The following OPCML variants were observed in gnomAD, a reference collection of about 807,000 sequenced individuals.
The protein encoded by OPCML is opioid-binding protein/cell adhesion molecule.
Under a neutral mutation model 37.8 loss-of-function variants are expected in OPCML, and 13 were observed. The ratio of observed to expected loss-of-function variants is 0.34; its 90% CI spans 0.22 to 0.55. The LOEUF (loss-of-function observed/expected upper bound fraction) is 0.55. OPCML is among the 20% of genes least tolerant of loss of function. The pLI is 0.91. For synonymous variants in OPCML, 176 were observed against 168.8 expected, an observed-to-expected ratio of 1.04 and a Z score of -0.33; for missense variants, 341 against 435.6, an observed-to-expected ratio of 0.78 and a Z score of 1.93.
chr11:132,813,192 C>G (rs1354186687), intron 2 of OPCML, among the ~76,000 whole-genome samples: 2 of 151,916 alleles, frequency 1.3e-5, no homozygotes, highest in Non-Finnish European at 2.9e-5. Flanking sequence ...TCAGGATATC[C>G]TGGTTCAGAC....
chr11:133,030,423 C>A (rs1406819833), intron 1 of OPCML, among the ~76,000 whole-genome samples: 2 of 152,122 alleles, frequency 1.3e-5, no homozygotes, highest in African/African-American at 4.8e-5. Context: ...TCTGTCCCTG[C>A]CACTCCTTGT....
At chr11:132,902,118 G>A (rs1944085136) in intron 2 of OPCML, among the ~76,000 whole-genome samples, 1 of 152,192 alleles carries the variant, frequency 6.6e-6, no homozygotes, top group Admixed American at 6.5e-5. Context: ...CCAGATCAGA[G>A]GAAATGGTCA....
chr11:132,447,776 C>T (rs2096059254), intron 4 of OPCML, among the ~76,000 whole-genome samples: 1 of 152,266 alleles, frequency 6.6e-6, no homozygotes. Flanking sequence ...GCCCAACACT[C>T]AACCTTCTTA....
chr11:133,475,842 C>T (rs1488158272), intron 1 of OPCML, among the ~76,000 whole-genome samples: 6 of 152,102 alleles, frequency 3.9e-5, no homozygotes, highest in African/African-American at 7.3e-5. Flanking sequence ...ATCATTCCTA[C>T]GGGATGAAAA....
At chr11:133,010,377 C>T (rs1454723650) in intron 1 of OPCML, among the ~76,000 whole-genome samples, 2 of 152,310 alleles carry the variant, frequency 1.3e-5, no homozygotes, top group East Asian at 1.9e-4. Flanking sequence ...AATGAATGTG[C>T]AAATCCTAAA....
At chr11:132,694,279 A>T (rs895668572) in intron 2 of OPCML, among the ~76,000 whole-genome samples, 3 of 134,380 alleles carry the variant, frequency 2.2e-5, no homozygotes, top group African/African-American at 5.6e-5. Flanking sequence ...GCTCACTGCA[A>T]TCTCCGCCTC....
chr11:132,507,729 A>C (rs1305819657), intron 4 of OPCML, among the ~76,000 whole-genome samples: 1 of 151,918 alleles, frequency 6.6e-6, no homozygotes, highest in East Asian at 1.9e-4. Flanking sequence ...GTTCAAATAG[A>C]GGATCTATCA....
intron 1 of OPCML, among the ~76,000 whole-genome samples, chr11:133,112,285 CAAAA>C (rs370146450): frequency 6.1e-5 from 3 of 49,130 alleles, no homozygotes; most frequent in African/African-American, 6.1e-5. Context: ...GACTCTTGGC[CAAAA>C]AAAAAAAAAA....
intron 1 of OPCML, chr11:133,024,404 A>T: frequency 2.0e-6 from 2 of 985,250 alleles, no homozygotes; most frequent in Non-Finnish European, 2.4e-6. Context: ...CTCTGGAGAG[A>T]TTTAGACATG....
chr11:133,160,681 T>G (rs1288449665), intron 1 of OPCML, among the ~76,000 whole-genome samples: 1 of 152,234 alleles, frequency 6.6e-6, no homozygotes, highest in Non-Finnish European at 1.5e-5. Context: ...GCTGCTCTGG[T>G]GCAGCATCTC....
intron 3 of OPCML, among the ~76,000 whole-genome samples, chr11:132,651,763 G>A (rs765150360): frequency 6.6e-6 from 1 of 152,202 alleles, no homozygotes; most frequent in South Asian, 2.1e-4. Flanking sequence ...ACCAGGCTAA[G>A]AGATGTAGAG....
intron 1 of OPCML, among the ~76,000 whole-genome samples, chr11:133,180,620 T>C (rs748516490): frequency 6.6e-5 from 10 of 151,006 alleles, no homozygotes; most frequent in Non-Finnish European, 1.3e-4. Flanking sequence ...AAAGATGGAG[T>C]TCAGGCTAGA....
intron 2 of OPCML, among the ~76,000 whole-genome samples, chr11:132,682,649 T>G (rs1942999446): frequency 6.6e-6 from 1 of 152,122 alleles, no homozygotes; most frequent in African/African-American, 2.4e-5. Flanking sequence ...AATTAACCTC[T>G]CCTCTAGAGA....
chr11:133,505,931 T>C (rs1355435111), intron 1 of OPCML, among the ~76,000 whole-genome samples: 6 of 152,322 alleles, frequency 3.9e-5, no homozygotes, highest in Non-Finnish European at 7.3e-5. Flanking sequence ...CTAGGACCTA[T>C]TGGTTAGAAG....
intron 1 of OPCML, among the ~76,000 whole-genome samples, chr11:133,210,821 A>G (rs962732182): frequency 6.6e-6 from 1 of 152,084 alleles, no homozygotes; most frequent in South Asian, 2.1e-4. Flanking sequence ...AACTTCTCTG[A>G]ACTTGCTCCT....
At chr11:133,475,160 T>C (rs916497946) in intron 1 of OPCML, among the ~76,000 whole-genome samples, 1 of 152,196 alleles carries the variant, frequency 6.6e-6, no homozygotes, top group African/African-American at 2.4e-5. Flanking sequence ...GTTTCAGAAA[T>C]GTTTGTTTTT....
At chr11:132,988,929 A>C (rs972849863) in intron 1 of OPCML, among the ~76,000 whole-genome samples, 2 of 152,238 alleles carry the variant, frequency 1.3e-5, no homozygotes, top group Admixed American at 6.5e-5. Flanking sequence ...CAAGCATAGC[A>C]GGGAGGAGGA....
intron 3 of OPCML, among the ~76,000 whole-genome samples, chr11:132,593,446 C>T (rs532628093): frequency 6.6e-6 from 1 of 152,164 alleles, no homozygotes; most frequent in African/African-American, 2.4e-5. Flanking sequence ...ATTCCAAACA[C>T]AATTAGACCA....
intron 1 of OPCML, among the ~76,000 whole-genome samples, chr11:133,278,738 G>T (rs971494793): frequency 6.6e-6 from 1 of 150,572 alleles, no homozygotes; most frequent in Non-Finnish European, 1.5e-5. Flanking sequence ...TTATTTGTTT[G>T]ATTAAAAAAA....
Sources: gnomAD v4.1 joint callset for allele counts (sites outside exome capture counted in the v4.1 genomes callset) on GRCh38, gnomAD v4.1.1 for gene constraint, MANE v1.5 for transcripts, NCBI Gene and HGNC (gene_info 2026-07-23, HGNC 2026-07-21) for gene names.